Variants in HIBADH observed in about 807,000 individuals in gnomAD.
HIBADH encodes 3-hydroxyisobutyrate dehydrogenase.
In HIBADH, 25 loss-of-function variants were observed where a neutral mutation model predicts 36.1. That is an observed-to-expected ratio of 0.69 (90% confidence interval 0.50 to 0.97). HIBADH has a LOEUF of 0.97. Among genes scored for constraint, HIBADH ranks in the 50% least tolerant of loss-of-function variants. The pLI is 0.00. For missense variants in HIBADH, 421 were observed against 418.0 expected, an observed-to-expected ratio of 1.01 and a Z score of -0.06; for synonymous variants, 160 against 149.5, an observed-to-expected ratio of 1.07 and a Z score of -0.51.
At chr7:27,549,943 C>G (rs1784294806) in intron 4 of HIBADH, among the ~76,000 whole-genome samples, 1 of 152,138 alleles carries the variant, frequency 6.6e-6, no homozygotes, top group African/African-American at 2.4e-5. Flanking sequence ...GAGTCTCGCT[C>G]AGTCGCCAGG....
chr7:27,563,097 T>G lies in HIBADH; in HGVS notation c.485-19997A>C, dbSNP rs557740229. The stretch of plus-strand genomic sequence containing the variant: ...CCCTCTTGCCTTCTCCAACTCCTGA[T>G]CCTACTATCTGTTGTTCATTCCCAC... On this transcript the variant is annotated intron_variant, in intron 4 of 7. Transcript: ENST00000265395. Among the ~76,000 whole-genome samples the G allele has an allele frequency of 1.4e-3, 215 of 152,282 alleles. 1 individual carries two copies. Among genetic ancestry groups the G allele is most frequent in the African/African-American group, 5.0e-3 (206 of 41,568 alleles).
At chr7:27,574,351 A>ATCTCTGAAATCATT (rs1236540885) in intron 4 of HIBADH, among the ~76,000 whole-genome samples, 4 of 152,060 alleles carry the variant, frequency 2.6e-5, no homozygotes, top group Non-Finnish European at 5.9e-5. Context: ...CCCACGAAGA[A>ATCTCTGAAATCATT]TCTCTGAAAT....
chr7:27,589,296 T>C (rs371177141), intron 4 of HIBADH, among the ~76,000 whole-genome samples: 3 of 152,216 alleles, frequency 2.0e-5, no homozygotes, highest in African/African-American at 7.2e-5. Flanking sequence ...TTAATTTTTA[T>C]AGTGAATAAA....
chr7:27,654,921 A>G (rs757029391), intron 1 of HIBADH, among the ~76,000 whole-genome samples: 8 of 152,130 alleles, frequency 5.3e-5, no homozygotes, highest in Non-Finnish European at 8.8e-5. Context: ...TCCTGAGCTC[A>G]AGCAATCAGT....
At chr7:27,579,064 CAAA>C (rs1491353481) in intron 4 of HIBADH, among the ~76,000 whole-genome samples, 1 of 151,866 alleles carries the variant, frequency 6.6e-6, no homozygotes, top group African/African-American at 2.4e-5. Flanking sequence ...GATGAAGAAA[CAAA>C]ACAACTAAAT....
chr7:27,602,803 ACT>A (rs1785154381), intron 4 of HIBADH, among the ~76,000 whole-genome samples: 1 of 152,098 alleles, frequency 6.6e-6, no homozygotes, highest in African/African-American at 2.4e-5. Context: ...ATGCAAACGT[ACT>A]TTCTCATTAT....
At chr7:27,587,180 T>C (rs1011008543) in intron 4 of HIBADH, among the ~76,000 whole-genome samples, 35 of 152,328 alleles carry the variant, frequency 2.3e-4, no homozygotes, top group African/African-American at 7.5e-4. Flanking sequence ...AAGTACCTCA[T>C]TTATTCTTGC....
At chr7:27,597,352 A>C (rs999987598) in intron 4 of HIBADH, among the ~76,000 whole-genome samples, 3 of 152,166 alleles carry the variant, frequency 2.0e-5, no homozygotes, top group African/African-American at 7.2e-5. Context: ...GACACAAGTG[A>C]AAATAGAAAC....
intron 2 of HIBADH, among the ~76,000 whole-genome samples, chr7:27,640,404 C>T (rs1785938921): frequency 6.6e-6 from 1 of 152,094 alleles, no homozygotes; most frequent in Non-Finnish European, 1.5e-5. Flanking sequence ...GTGGTGCACA[C>T]CTGTGGTCCC....
At chr7:27,612,869 C>A (rs1440803289) in intron 4 of HIBADH, among the ~76,000 whole-genome samples, 2 of 146,494 alleles carry the variant, frequency 1.4e-5, no homozygotes, top group Non-Finnish European at 3.0e-5. Context: ...ACTGCTTGAA[C>A]CCAGGAGTTC....
chr7:27,557,957 G>A (rs893379186), intron 4 of HIBADH, among the ~76,000 whole-genome samples: 13 of 152,110 alleles, frequency 8.5e-5, no homozygotes, highest in Admixed American at 1.3e-4. Flanking sequence ...ATCTCTGGTC[G>A]TTGGAAGTTT....
intron 4 of HIBADH, among the ~76,000 whole-genome samples, chr7:27,617,470 T>C (rs1461528082): frequency 6.6e-6 from 1 of 152,120 alleles, no homozygotes; most frequent in Non-Finnish European, 1.5e-5. Context: ...AAAACTCAGT[T>C]ACCTGGTTGA....
intron 4 of HIBADH, among the ~76,000 whole-genome samples, chr7:27,611,813 A>G (rs888069415): frequency 8.5e-5 from 13 of 152,194 alleles, no homozygotes; most frequent in African/African-American, 2.9e-4. Context: ...ATGTTCCATG[A>G]ACACACCAAG....
chr7:27,611,992 T>C (rs896489728), intron 4 of HIBADH, among the ~76,000 whole-genome samples: 22 of 152,164 alleles, frequency 1.4e-4, no homozygotes, highest in Admixed American at 1.2e-3. Context: ...ACTGTTACTC[T>C]TCCTTTTTTT....
chr7:27,601,314 C>T (rs1044437344), intron 4 of HIBADH, among the ~76,000 whole-genome samples: 3 of 152,030 alleles, frequency 2.0e-5, no homozygotes, highest in Non-Finnish European at 2.9e-5. Flanking sequence ...ATTAAAAATA[C>T]TAACAAGATG....
At chr7:27,634,299 TATA>T (rs1211587830) in intron 2 of HIBADH, among the ~76,000 whole-genome samples, 5 of 152,198 alleles carry the variant, frequency 3.3e-5, no homozygotes, top group African/African-American at 9.6e-5. Flanking sequence ...TATTTTGATA[TATA>T]ATGAGGACTT....
At chr7:27,526,863 TA>T (rs752013700) in intron 7 of HIBADH, among the ~76,000 whole-genome samples, 3 of 152,216 alleles carry the variant, frequency 2.0e-5, no homozygotes, top group Non-Finnish European at 4.4e-5. Flanking sequence ...CACATTGTGT[TA>T]AGGAGAAAGA....
intron 5 of HIBADH, among the ~76,000 whole-genome samples, chr7:27,538,717 A>G (rs938575141): frequency 6.6e-6 from 1 of 152,136 alleles, no homozygotes; most frequent in Non-Finnish European, 1.5e-5. Context: ...TAAGGGATGG[A>G]ACTTACAATC....
chr7:27,586,359 A>G (rs1466512026), intron 4 of HIBADH, among the ~76,000 whole-genome samples: 4 of 135,062 alleles, frequency 3.0e-5, no homozygotes, highest in African/African-American at 1.1e-4. Flanking sequence ...AAAGAGAGAC[A>G]GGGAGAGAGA....
Sources: gnomAD v4.1 joint callset for allele counts (sites outside exome capture counted in the v4.1 genomes callset) on GRCh38, gnomAD v4.1.1 for gene constraint, MANE v1.5 for transcripts, NCBI Gene and HGNC (gene_info 2026-07-23, HGNC 2026-07-21) for gene names.